Variants in PCDHGA10 observed in about 807,000 individuals in gnomAD.
PCDHGA10 encodes protocadherin gamma-A10.
PCDHGA10 carries 42 observed loss-of-function variants against 59.5 expected under a neutral mutation model. The ratio of observed to expected loss-of-function variants is 0.71; its 90% confidence interval spans 0.55 to 0.91. The LOEUF (loss-of-function observed/expected upper bound fraction) is 0.91, where lower values mean the gene tolerates loss of function less well. PCDHGA10 is among the 40% of genes least tolerant of loss of function. PCDHGA10 has a pLI of 0.00. For synonymous variants in PCDHGA10, 511 were observed against 517.2 expected (o/e 0.99, Z 0.16); for missense variants, 1,111 against 1,198.2 (o/e 0.93, Z 1.07).
chr5:141,426,882 C>T, intron 1 of PCDHGA10: 1 of 456,664 alleles, frequency 2.2e-6, no homozygotes, highest in South Asian at 1.5e-5. Flanking sequence ...GCCCCTGGGC[C>T]AGGAGCAACA....
Position 141,491,910 on chromosome 5 carries a change from G to A in PCDHGA10, c.2437-2897G>A, listed in dbSNP as rs946745903. 1.4e-5 allele frequency: 19 copies of A among 1,406,944 alleles called. No individual in the cohort carries two copies. The South Asian group carries it at 2.6e-4, about 19-fold the overall frequency. 87.2% of individuals were successfully genotyped at this position (1,406,944 alleles called of 1,614,324 possible). On this transcript the variant is annotated intron_variant, in intron 1 of 3. Transcript: ENST00000398610. This position sits in a 1 kb window ranked among gnomAD's most constrained non-coding sequence, Gnocchi z 6.9. ...GGCTCCGAGCACCGGGGGTGGTGGCGACTGTGGGCGAGGGGAGGTGGGACC... is the reference window on the plus strand; with the variant it reads ...GGCTCCGAGCACCGGGGGTGGTGGCAACTGTGGGCGAGGGGAGGTGGGACC...
intron 1 of PCDHGA10, among the ~76,000 whole-genome samples, chr5:141,446,746 C>T (rs1413869259): frequency 6.6e-6 from 1 of 152,170 alleles, no homozygotes; most frequent in Non-Finnish European, 1.5e-5. Context: ...GGATTACAGG[C>T]GTGAGCCACC....
At position 141,473,299 on chromosome 5, in the gene PCDHGA10, G is replaced by A. The variant is rs182316672; in HGVS notation, c.2437-21508G>A. The stretch of plus-strand genomic sequence containing the variant: ...TATTTTACTATGTCAGTAGCATAAA[G>A]ATTGCTATATTAATAAGCATTAAGT... On this transcript the variant is annotated intron_variant, in intron 1 of 3. Coordinates refer to ENST00000398610, the MANE Select transcript of PCDHGA10 (RefSeq NM_018913.3). 5.6e-4 allele frequency among the ~76,000 whole-genome samples: 86 copies of A among 152,346 alleles called. 1 individual carries two copies. The highest frequency in any genetic ancestry group is 1.9e-3 in the African/African-American group (81 of 41,572).
intron 1 of PCDHGA10, chr5:141,415,868 G>A: frequency 9.2e-7 from 1 of 1,090,360 alleles, no homozygotes; most frequent in Non-Finnish European, 1.2e-6. Flanking sequence ...TTATAGTGTT[G>A]TTGAGTACAA....
At chr5:141,474,834 A>G (rs557557147) in intron 1 of PCDHGA10, among the ~76,000 whole-genome samples, 4 of 152,380 alleles carry the variant, frequency 2.6e-5, no homozygotes, top group South Asian at 4.1e-4. Context: ...ACTCTGTGCC[A>G]GGCACTTTAC....
chr5:141,419,621 G>T, intron 1 of PCDHGA10: 2 of 1,612,306 alleles, frequency 1.2e-6, no homozygotes, highest in Non-Finnish European at 1.7e-6. Context: ...AGGCTACCTG[G>T]TGACCAAGGT....
At chr5:141,421,025 A>C (rs1047305594) in intron 1 of PCDHGA10, 4 of 526,168 alleles carry the variant, frequency 7.6e-6, no homozygotes, top group African/African-American at 5.9e-5. Context: ...GCTGCGCGCC[A>C]TTGAGTCCCT....
intron 2 of PCDHGA10, among the ~76,000 whole-genome samples, chr5:141,500,793 A>G (rs1245472175): frequency 6.6e-6 from 1 of 152,210 alleles, no homozygotes; most frequent in Non-Finnish European, 1.5e-5. Context: ...ATTTTACAGA[A>G]TAAGTCCTCA....
chr5:141,421,574 A>C, intron 1 of PCDHGA10: 1 of 1,613,924 alleles, frequency 6.2e-7, no homozygotes. Flanking sequence ...GACACCTTGA[A>C]GATTTACGGA....
At chr5:141,460,666 C>G (rs1245201344) in intron 1 of PCDHGA10, among the ~76,000 whole-genome samples, 1 of 151,670 alleles carries the variant, frequency 6.6e-6, no homozygotes, top group South Asian at 2.1e-4. Context: ...ACTGTAAACA[C>G]AGTTATATAT....
intron 1 of PCDHGA10, chr5:141,440,405 CCACTG>C (rs2098176019): frequency 6.6e-6 from 1 of 152,126 alleles, no homozygotes; most frequent in South Asian, 2.1e-4. Flanking sequence ...GGCAATCGCA[CCACTG>C]CACTCCAGCC....
At position 141,487,570 on chromosome 5, in the gene PCDHGA10, T is replaced by A; in HGVS notation, c.2437-7237T>A. 6.2e-7 allele frequency: 1 copy of A among 1,614,178 alleles called. No homozygotes were observed. On this transcript the variant is annotated intron_variant, in intron 1 of 3. Transcript: ENST00000398610. The surrounding 1 kb of genome is among the most constrained non-coding windows in gnomAD (Gnocchi z 5.0). ...CCAGTGCACCTATGGCAGGGGAGCCTGTTCGCCCAAGCTGCCCACCCTCTG... is the reference window on the plus strand; with the variant it reads ...CCAGTGCACCTATGGCAGGGGAGCCAGTTCGCCCAAGCTGCCCACCCTCTG...
At chr5:141,488,578 G>A (rs1286219713) in intron 1 of PCDHGA10, among the ~76,000 whole-genome samples, 2 of 152,178 alleles carry the variant, frequency 1.3e-5, no homozygotes, top group Non-Finnish European at 2.9e-5. Flanking sequence ...AGCATTGCTG[G>A]AGAGTCAGGG....
chr5:141,477,573 C>T lies in PCDHGA10; in HGVS notation c.2437-17234C>T, dbSNP rs1593790046. The T allele has an allele frequency of 6.2e-7, 1 of 1,614,056 alleles. No individual in the cohort carries two copies. Among genetic ancestry groups the T allele is most frequent in the South Asian group, 1.1e-5 (1 of 91,086 alleles). ...AACCTAAGTGTCTGGGACCCCGACGCCCCGCAGAATGCTCGGCTTTCTTTC... is the reference window on the plus strand; with the variant it reads ...AACCTAAGTGTCTGGGACCCCGACGTCCCGCAGAATGCTCGGCTTTCTTTC... On this transcript the variant is annotated intron_variant, in intron 1 of 3. Coordinates refer to ENST00000398610, the MANE Select transcript of PCDHGA10 (RefSeq NM_018913.3). This position sits in a 1 kb window ranked among gnomAD's most constrained non-coding sequence, Gnocchi z 4.9.
chr5:141,492,880 T>C (rs1204475362), intron 1 of PCDHGA10, among the ~76,000 whole-genome samples: 2 of 152,184 alleles, frequency 1.3e-5, no homozygotes, highest in African/African-American at 4.8e-5. Context: ...CCCCCAGAGA[T>C]ACAGGCTTTT....
intron 2 of PCDHGA10, among the ~76,000 whole-genome samples, chr5:141,504,179 A>C (rs1247627456): frequency 6.6e-6 from 1 of 152,240 alleles, no homozygotes; most frequent in Non-Finnish European, 1.5e-5. Context: ...AATTCAAAAA[A>C]ATCATGAAAA....
Position 141,419,305 on chromosome 5 carries a change from G to A in PCDHGA10, c.2436+3694G>A, listed in dbSNP as rs778360128. ...TCAGTGCCTCTGACCCAGACTTCGGGCTCAACGGCCGTGTCTCCTACTCTC... is the reference window on the plus strand; with the variant it reads ...TCAGTGCCTCTGACCCAGACTTCGGACTCAACGGCCGTGTCTCCTACTCTC... On this transcript the variant is annotated intron_variant, in intron 1 of 3. Transcript: ENST00000398610. The A allele has an allele frequency of 3.1e-6, 5 of 1,613,906 alleles. No individual in the cohort carries two copies. The East Asian group carries it at 1.1e-4, about 36-fold the overall frequency.
chr5:141,466,581 T>C (rs1426600962), intron 1 of PCDHGA10, among the ~76,000 whole-genome samples: 2 of 152,198 alleles, frequency 1.3e-5, no homozygotes, highest in Non-Finnish European at 2.9e-5. Flanking sequence ...GTCTCATCCC[T>C]TCTTAAAACA....
At chr5:141,440,770 G>A (rs2098199385) in intron 1 of PCDHGA10, 1 of 152,176 alleles carries the variant, frequency 6.6e-6, no homozygotes, top group African/African-American at 2.4e-5. Flanking sequence ...CCATCCCTTA[G>A]TGCTAGCAGC....
Sources: allele counts gnomAD v4.1 joint callset (sites outside exome capture counted in the v4.1 genomes callset), GRCh38; gene constraint gnomAD v4.1.1; non-coding constraint Gnocchi (gnomAD v3.1); transcripts MANE v1.5; gene names NCBI Gene and HGNC (gene_info 2026-07-23, HGNC 2026-07-21).